The following ANAPC1 variants were observed in gnomAD, a reference collection of about 807,000 sequenced individuals.
ANAPC1 encodes the protein anaphase promoting complex subunit 1, also known as anaphase-promoting complex subunit 1.
In ANAPC1, 36 loss-of-function variants were observed where a neutral mutation model predicts 208.0. The observed-to-expected ratio is 0.17, with a 90% CI of 0.13 to 0.23. The LOEUF is 0.23. Among genes scored for constraint, ANAPC1 ranks in the 10% least tolerant of loss-of-function variants. The probability of loss-of-function intolerance (pLI) is 1.00; values close to 1 mark genes in which losing one functional copy is unlikely to be tolerated. For missense variants in ANAPC1, 942 were observed against 2,011.6 expected, an observed-to-expected ratio of 0.47 and a Z score of 10.17; for synonymous variants, 378 against 695.2, an observed-to-expected ratio of 0.54 and a Z score of 7.18.
chr2:111,878,945 T>C lies in ANAPC1; in HGVS notation c.240A>G (p.Val80=), dbSNP rs761688578. Residue 80 remains valine, a synonymous_variant, in exon 3 of 48, where the codon GTA becomes GTG. Transcript: ENST00000341068. ...QKESWQLRKG[V]SEIGEDVDYD... ...AGTCCACATCTTCTCCAATTTCACT[T>C]ACTCCTTTCCTTAACTGCCAGCTTT... 2 of 1,589,314 alleles carry C rather than the reference T, an allele frequency of 1.3e-6. No individual in the cohort carries two copies. Among genetic ancestry groups the C allele is most frequent in the East Asian group, 2.2e-5 (1 of 44,708 alleles).
intron 11 of ANAPC1, chr2:111,857,106 G>C (rs1477202562): frequency 2.1e-6 from 1 of 477,014 alleles, no homozygotes; most frequent in African/African-American, 1.9e-5. Context: ...ACGTAAGACA[G>C]ATAAAGATGT....
At position 111,880,142 on chromosome 2, in the gene ANAPC1, G is replaced by A. The variant is rs538206360; in HGVS notation, c.213+471C>T. Among the ~76,000 whole-genome samples the A allele has an allele frequency of 2.0e-5, 3 of 152,254 alleles. No homozygotes were observed. The East Asian group carries it at 5.8e-4, about 29-fold the overall frequency. ...TAAACGCAGCACTTTGGGAGGCCGA[G>A]GCGGGTGGATCACCTGAGGTCCGGA... On this transcript the variant is annotated intron_variant, in intron 2 of 47. Transcript: ENST00000341068.
intron 26 of ANAPC1, among the ~76,000 whole-genome samples, chr2:111,820,378 G>A (rs1330406563): frequency 2.0e-5 from 3 of 152,030 alleles, no homozygotes; most frequent in African/African-American, 7.2e-5. Flanking sequence ...ACCCAGCACA[G>A]CATGGCCATG....
In ANAPC1 at chr2:111,834,686, G is replaced by C. The variant is rs755651196; in HGVS notation, c.2302C>G (p.Leu768Val). The stretch of plus-strand genomic sequence containing the variant: ...TTCAACTTAAGCTCCTCATACACAA[G>C]GTGAAGAACGAAAAAAATTGCAGGT... ...HIPAIFFVLH[L>V]VYEELKLNTL... is the part of the protein sequence containing the mutation. The change falls in exon 19 of 48, where the codon CTT becomes GTT. Residue 768 changes from leucine to valine, a missense_variant. By Grantham distance (32) the Leu-to-Val change is conservative. Transcript: ENST00000341068. The C allele has an allele frequency of 9.3e-6, 15 of 1,613,392 alleles. No individual in the cohort carries two copies. The South Asian group carries it at 1.5e-4, about 17-fold the overall frequency.
At chr2:111,842,082 T>A (rs1680795260) in intron 17 of ANAPC1, among the ~76,000 whole-genome samples, 1 of 152,130 alleles carries the variant, frequency 6.6e-6, no homozygotes, top group Non-Finnish European at 1.5e-5. Flanking sequence ...AAAAAGGATG[T>A]TTATAAATTA....
rs746763872 is a variant in ANAPC1, at chr2:111,872,693, G to C, written c.548C>G (p.Thr183Ser). ...LPFQVANVWP[T>S]KYGLLFERSA... ...TCGTTCAAACAGCAATCCATATTTAGTGGGCCAAACATTTGCAACCTTTCA... is the reference window on the plus strand; with the variant it reads ...TCGTTCAAACAGCAATCCATATTTACTGGGCCAAACATTTGCAACCTTTCA... Residue 183 changes from threonine to serine, a missense_variant, in exon 6 of 48, where the codon ACT becomes AGT. Thr to Ser is a moderately conservative substitution (Grantham distance 58). Coordinates refer to ENST00000341068, the MANE Select transcript of ANAPC1 (RefSeq NM_022662.4). 41 of 1,613,622 alleles carry C rather than the reference G, an allele frequency of 2.5e-5. No homozygotes were observed. Among genetic ancestry groups the C allele is most frequent in the Non-Finnish European group, 3.5e-5 (41 of 1,179,586 alleles).
intron 3 of ANAPC1, among the ~76,000 whole-genome samples, chr2:111,875,458 AT>A (rs1262770484): frequency 6.6e-6 from 1 of 152,228 alleles, no homozygotes; most frequent in Non-Finnish European, 1.5e-5. Context: ...CATCTCTTTT[AT>A]CCCTGATATC....
At chr2:111,821,751 T>C (rs113805838) in intron 25 of ANAPC1, 6,555 of 389,044 alleles carry the variant, frequency 0.017, 120 homozygotes, top group African/African-American at 0.051. Context: ...CTGGCCAACA[T>C]GGTGAGGATG....
At chr2:111,856,150 G>T (rs6725552) in intron 13 of ANAPC1, among the ~76,000 whole-genome samples, 54,396 of 151,970 alleles carry the variant, frequency 0.36, 10,470 homozygotes, top group South Asian at 0.48. Flanking sequence ...CAGGAGAATA[G>T]TGTGAACCCG....
chr2:111,819,289 C>T lies in ANAPC1; in HGVS notation c.3207-331G>A, dbSNP rs1314341735. 3 of 981,578 alleles carry T rather than the reference C, an allele frequency of 3.1e-6. No homozygotes were observed. The African/African-American group carries it at 5.4e-5, about 18-fold the overall frequency. The allele number at this position is 981,578 out of a possible 1,614,324, so 60.8% of individuals were successfully genotyped here. The stretch of plus-strand genomic sequence containing the variant: ...AAATTCCACTCCGATGGATGCTAAC[C>T]TTCTCAAAGGAAAATACAGTACTTT... On this transcript the variant is annotated intron_variant, in intron 26 of 47. Transcript: ENST00000341068.
chr2:111,815,226 G>A (rs1365535255), intron 28 of ANAPC1, 144 bp downstream of exon 28: 2 of 219,718 alleles, frequency 9.1e-6, no homozygotes, highest in African/African-American at 2.9e-5. Context: ...TCTGATTTAT[G>A]CTTTAGAAAG....
At chr2:111,776,038 T>TA (rs1470801755) in intron 46 of ANAPC1, among the ~76,000 whole-genome samples, 1 of 150,526 alleles carries the variant, frequency 6.6e-6, no homozygotes, top group Non-Finnish European at 1.5e-5. Context: ...GTGTTACAGG[T>TA]GGATAGTTTT....
At chr2:111,849,877 G>C (rs1355280708) in intron 14 of ANAPC1, among the ~76,000 whole-genome samples, 1 of 151,318 alleles carries the variant, frequency 6.6e-6, no homozygotes, top group Non-Finnish European at 1.5e-5. Context: ...TCAAAATCCT[G>C]TAATGCCCTG....
Position 111,798,706 on chromosome 2 carries a change from T to C in ANAPC1, c.4296+2091A>G, listed in dbSNP as rs1678282812. Reference sequence around the variant, plus strand: ...TTAAAATTATTACTAAGAAAATGAATATGCAAGCCACAGAGTGGGAGGGAT... The same window carrying C: ...TTAAAATTATTACTAAGAAAATGAACATGCAAGCCACAGAGTGGGAGGGAT... On this transcript the variant is annotated intron_variant, in intron 34 of 47. Coordinates refer to ENST00000341068, the MANE Select transcript of ANAPC1 (RefSeq NM_022662.4). 4.6e-5 allele frequency among the ~76,000 whole-genome samples: 7 copies of C among 152,216 alleles called. No homozygotes were observed. The South Asian group carries it at 1.5e-3, about 32-fold the overall frequency.
chr2:111,852,630 G>C (rs1013655180), intron 13 of ANAPC1, among the ~76,000 whole-genome samples: 3 of 151,860 alleles, frequency 2.0e-5, no homozygotes, highest in South Asian at 2.1e-4. Context: ...TGATTTCTCT[G>C]CATCTATTTA....
chr2:111,793,473 C>T (rs1287967759), intron 37 of ANAPC1, among the ~76,000 whole-genome samples: 2 of 152,204 alleles, frequency 1.3e-5, no homozygotes, highest in Non-Finnish European at 2.9e-5. Context: ...GATCCTCCTG[C>T]TTCAGTCTCC....
chr2:111,831,352 C>T lies in ANAPC1; in HGVS notation c.2559G>A (p.Lys853=), dbSNP rs141017524. The T allele has an allele frequency of 2.6e-4, 416 of 1,611,900 alleles. 2 individuals carry two copies. In the African/African-American group the frequency reaches 4.7e-3, roughly 18 times the overall value. The part of the protein sequence containing the change: ...SIYQWVSSCL[K]GEGMPPYPYL... Reference sequence around the variant, plus strand: ...AAGGATAAGGTGGCATTCCTTCACCCTTCAGACAAGAACTCACCCACTGAT... The same window carrying T: ...AAGGATAAGGTGGCATTCCTTCACCTTTCAGACAAGAACTCACCCACTGAT... The change falls in exon 21 of 48, where the codon AAG becomes AAA. Residue 853 remains lysine, a synonymous_variant. Coordinates refer to ENST00000341068, the MANE Select transcript of ANAPC1 (RefSeq NM_022662.4).
intron 17 of ANAPC1, among the ~76,000 whole-genome samples, chr2:111,841,684 G>C (rs1680772647): frequency 6.6e-6 from 1 of 152,112 alleles, no homozygotes; most frequent in Admixed American, 6.6e-5. Flanking sequence ...TGAGTGACAT[G>C]GGAAGTCACT....
At chr2:111,875,484 C>A (rs1251125294) in intron 3 of ANAPC1, among the ~76,000 whole-genome samples, 2 of 152,168 alleles carry the variant, frequency 1.3e-5, no homozygotes, top group East Asian at 3.8e-4. Flanking sequence ...AGATCACTAA[C>A]CCCTTCCACA....
Sources: gnomAD v4.1 joint callset for allele counts (sites outside exome capture counted in the v4.1 genomes callset) on GRCh38, gnomAD v4.1.1 for gene constraint, MANE v1.5 for transcripts, NCBI Gene and HGNC (gene_info 2026-07-23, HGNC 2026-07-21) for gene names.